The following AKT2 variants were observed in gnomAD, a reference collection of about 807,000 sequenced individuals.
The protein encoded by AKT2 is AKT serine/threonine kinase 2, also known as RAC-beta serine/threonine-protein kinase.
AKT2 carries 16 observed loss-of-function variants against 58.6 expected under a neutral mutation model. That is an observed-to-expected ratio of 0.27 (90% CI 0.18 to 0.41). The LOEUF (loss-of-function observed/expected upper bound fraction) is 0.41. AKT2 is among the 10% of genes least tolerant of loss of function. AKT2 has a pLI of 1.00. For missense variants in AKT2, 438 were observed against 661.0 expected (o/e 0.66, Z 3.70); for synonymous variants, 253 against 254.0 (o/e 1.00, Z 0.04).
chr19:40,263,970 C>T (rs767736808), intron 2 of AKT2, among the ~76,000 whole-genome samples: 1 of 152,192 alleles, frequency 6.6e-6, no homozygotes, highest in African/African-American at 2.4e-5. Context: ...CCCATCCTCA[C>T]GTTGCTTGTT....
intron 4 of AKT2, among the ~76,000 whole-genome samples, chr19:40,252,905 C>T (rs542310212): frequency 1.3e-5 from 2 of 152,314 alleles, no homozygotes; most frequent in African/African-American, 4.8e-5. Context: ...TAGTTTTCAA[C>T]TGAGTAGCAC....
intron 1 of AKT2, among the ~76,000 whole-genome samples, chr19:40,273,124 A>G (rs2077245908): frequency 6.6e-6 from 1 of 152,120 alleles, no homozygotes; most frequent in Admixed American, 6.5e-5. Flanking sequence ...CGGGCAAATC[A>G]CAAGGTCAGG....
chr19:40,255,489 T>C (rs538822268), intron 3 of AKT2, among the ~76,000 whole-genome samples: 5 of 152,090 alleles, frequency 3.3e-5, no homozygotes, highest in Admixed American at 2.6e-4. Context: ...GATGGCTCCA[T>C]AGACAGGGCC....
chr19:40,272,923 C>T (rs1278763281), intron 1 of AKT2, among the ~76,000 whole-genome samples: 2 of 152,158 alleles, frequency 1.3e-5, no homozygotes, highest in East Asian at 3.8e-4. Context: ...TCTGTTTCCT[C>T]ATCTGTATAT....
At chr19:40,255,413 C>G in intron 3 of AKT2, 144 bp from the exon 4 acceptor site, 1 of 637,504 alleles carries the variant, frequency 1.6e-6, no homozygotes, top group Non-Finnish European at 2.8e-6. Context: ...CAGCCCTGGT[C>G]CTGTTCTCAC....
chr19:40,241,632 C>T lies in AKT2; in HGVS notation c.573+306G>A, dbSNP rs1297909640. ...GATACCCTGAGCAAAGCCCGGGACTCCCCAACAGCGACGTCCTCCCCAACA... is the reference window on the plus strand; with the variant it reads ...GATACCCTGAGCAAAGCCCGGGACTTCCCAACAGCGACGTCCTCCCCAACA... On this transcript the variant is annotated intron_variant, in intron 6 of 13. Coordinates refer to ENST00000392038, the MANE Select transcript of AKT2 (RefSeq NM_001626.6). 1.4e-5 allele frequency: 6 copies of T among 441,264 alleles called. No homozygotes were observed. The East Asian group carries it at 2.8e-4, about 20-fold the overall frequency. 27.3% of individuals were successfully genotyped at this position (441,264 alleles called of 1,614,324 possible).
At chr19:40,265,688 G>A (rs1230160773) in intron 1 of AKT2, 6 of 328,968 alleles carry the variant, frequency 1.8e-5, no homozygotes, top group African/African-American at 8.5e-5. Context: ...TGCCCTCCCC[G>A]TGTCATTCCC....
chr19:40,250,533 A>G (rs1975080430), intron 4 of AKT2, among the ~76,000 whole-genome samples: 1 of 151,438 alleles, frequency 6.6e-6, no homozygotes, highest in South Asian at 2.1e-4. Flanking sequence ...TTTACGTCAA[A>G]AAGATCACAG....
rs80192144 is a variant in AKT2, at chr19:40,267,843, T to G, written c.-84-2492A>C. ...TGAGGGGCAGAAAAATACACGAATATGCAAATAATCAGGTGGTGGGGAGGC... is the reference window on the plus strand; with the variant it reads ...TGAGGGGCAGAAAAATACACGAATAGGCAAATAATCAGGTGGTGGGGAGGC... On this transcript the variant is annotated intron_variant, in intron 1 of 13. Transcript: ENST00000392038. 1.3e-3 allele frequency among the ~76,000 whole-genome samples: 205 copies of G among 152,112 alleles called. 2 individuals are homozygous for G. In the East Asian group the frequency reaches 0.036, roughly 27 times the overall value.
chr19:40,257,221 C>T (rs1455759546), intron 2 of AKT2, among the ~76,000 whole-genome samples, 167 bp from the exon 3 acceptor site: 2 of 152,194 alleles, frequency 1.3e-5, no homozygotes, highest in East Asian at 3.9e-4. Context: ...CTCCAGGTGG[C>T]CCCTGCTGAC....
chr19:40,231,082 C>T lies in AKT2; in HGVS notation c.*2790G>A, dbSNP rs1226538544. ...TTTTTAAAATGTACATTGCAAAAGA[C>T]GATTATTCTACTCAAAATTTATTTG... On this transcript the variant is annotated 3_prime_UTR_variant, in exon 14 of 14. Coordinates refer to ENST00000392038, the MANE Select transcript of AKT2 (RefSeq NM_001626.6). 5 of 220,314 alleles carry T rather than the reference C, an allele frequency of 2.3e-5. No individual in the cohort carries two copies. Among genetic ancestry groups the T allele is most frequent in the South Asian group, 3.7e-4 (2 of 5,394 alleles). The allele number at this position is 220,314 out of a possible 1,614,324, so 13.6% of individuals were successfully genotyped here. A position where few individuals can be genotyped will look rare whatever the true frequency, so the allele number is the denominator to read the frequency against.
intron 10 of AKT2, 71 bp downstream of exon 10, chr19:40,236,186 G>A (rs1974013740): frequency 3.1e-6 from 5 of 1,613,266 alleles, no homozygotes; most frequent in Admixed American, 3.3e-5. Flanking sequence ...ATCTGGGCTG[G>A]AAACACACAG....
Position 40,233,972 on chromosome 19 carries a change from TG to T in AKT2, c.1367-22del. ...GTCATCTGTGGGCGGCAGAGGTGGA[TG>T]GGGAGGACCAGTCAGGAGAGGGCCT... On this transcript the variant is annotated intron_variant, in intron 13 of 13. Coordinates refer to ENST00000392038, the MANE Select transcript of AKT2 (RefSeq NM_001626.6). The surrounding 1 kb of genome is among the most constrained non-coding windows in gnomAD (Gnocchi z 4.3). 6.2e-7 allele frequency: 1 copy of T among 1,607,572 alleles called. No individual in the cohort carries two copies.
intron 1 of AKT2, chr19:40,274,945 G>A (rs2077284183): frequency 2.5e-6 from 1 of 399,682 alleles, no homozygotes; most frequent in South Asian, 1.8e-5. Flanking sequence ...GGCAGGGCAG[G>A]AGTCCTTAGG....
intron 10 of AKT2, 60 bp downstream of exon 10, chr19:40,236,197 G>T: frequency 6.2e-7 from 1 of 1,613,464 alleles, no homozygotes; most frequent in South Asian, 1.1e-5. Flanking sequence ...AAACACACAG[G>T]TCTGGGGGAT....
rs551646237 is a variant in AKT2, at chr19:40,231,038, C to CA, written c.*2833dup. On this transcript the variant is annotated 3_prime_UTR_variant, in exon 14 of 14. Coordinates refer to ENST00000392038, the MANE Select transcript of AKT2 (RefSeq NM_001626.6). ...GTGCCCAGTCACTGTTCTTTATATACAAAAAAGAATGTGTGAAATTTTTAA... is the reference window on the plus strand; with the variant it reads ...GTGCCCAGTCACTGTTCTTTATATACAAAAAAAGAATGTGTGAAATTTTTAA... 318 of 212,506 alleles carry CA rather than the reference C, an allele frequency of 1.5e-3. 2 individuals are homozygous for CA. The South Asian group carries it at 0.017, about 11-fold the overall frequency. 13.2% of individuals were successfully genotyped at this position (212,506 alleles called of 1,614,324 possible).
At chr19:40,282,313 G>C in intron 1 of AKT2, 1 of 367,754 alleles carries the variant, frequency 2.7e-6, no homozygotes, top group Non-Finnish European at 5.4e-6. Flanking sequence ...CACTGTATGG[G>C]AGTGAACAGT....
chr19:40,273,665 G>A (rs1433656815), intron 1 of AKT2: 2 of 152,154 alleles, frequency 1.3e-5, no homozygotes, highest in Non-Finnish European at 2.9e-5. Context: ...TAAGCACAGA[G>A]CAGATTCCTT....
chr19:40,258,819 G>C (rs1386832078), intron 2 of AKT2, among the ~76,000 whole-genome samples: 3 of 151,972 alleles, frequency 2.0e-5, no homozygotes, highest in Admixed American at 2.0e-4. Context: ...TGTTAAGATG[G>C]CAATACTACC....
Sources: gnomAD v4.1 joint callset for allele counts (sites outside exome capture counted in the v4.1 genomes callset) on GRCh38, gnomAD v4.1.1 for gene constraint, Gnocchi (gnomAD v3.1) non-coding constraint, MANE v1.5 for transcripts, NCBI Gene and HGNC (gene_info 2026-07-23, HGNC 2026-07-21) for gene names.